Variants in TTYH2 observed in about 807,000 individuals in gnomAD.
The protein encoded by TTYH2 is protein tweety homolog 2.
A neutral mutation model predicts 68.3 loss-of-function variants in TTYH2; 49 were observed. That is an observed-to-expected ratio of 0.72 (90% confidence interval 0.57 to 0.91). The LOEUF (loss-of-function observed/expected upper bound fraction) is 0.91, where lower values mean the gene tolerates loss of function less well. Ranked by LOEUF, TTYH2 falls within the 40% of genes least tolerant of loss-of-function variation. The pLI, the probability that TTYH2 is intolerant of heterozygous loss-of-function variation, is 0.00. For synonymous variants in TTYH2, 272 were observed against 300.8 expected (o/e 0.90, Z 0.99); for missense variants, 631 against 700.4 (o/e 0.90, Z 1.12).
intron 11 of TTYH2, 135 bp downstream of exon 11, chr17:74,252,511 C>T (rs1407220899): frequency 3.5e-6 from 4 of 1,144,710 alleles, no homozygotes; most frequent in Non-Finnish European, 1.2e-6. Context: ...GCATTCAGCC[C>T]AACAGGCTGG....
intron 4 of TTYH2, among the ~76,000 whole-genome samples, chr17:74,238,397 C>CT (rs1460462006): frequency 6.6e-5 from 10 of 151,648 alleles, no homozygotes; most frequent in Non-Finnish European, 1.2e-4. Context: ...CCCAGACTCA[C>CT]TTTTTTTTTC....
intron 13 of TTYH2, among the ~76,000 whole-genome samples, chr17:74,259,549 T>C (rs1160757583): frequency 2.0e-5 from 3 of 152,162 alleles, no homozygotes; most frequent in African/African-American, 4.8e-5. Context: ...CATATTTATA[T>C]ACTAGTGGAT....
intron 3 of TTYH2, 80 bp from the exon 4 acceptor site, chr17:74,237,214 T>G (rs763657663): frequency 1.4e-6 from 2 of 1,441,344 alleles, no homozygotes; most frequent in Non-Finnish European, 1.9e-6. Flanking sequence ...CAGGCCACCT[T>G]CTGCTGCCTG....
chr17:74,240,777 C>T (rs1261680187), intron 4 of TTYH2: 1 of 152,114 alleles, frequency 6.6e-6, no homozygotes, highest in Admixed American at 6.5e-5. Flanking sequence ...CAGGCAGAGC[C>T]GAGTTCTTGG....
chr17:74,237,373 G>T lies in TTYH2; in HGVS notation c.494G>T (p.Gly165Val). ...ARLSEIFAAR[G>V]DYLQTLKFIQ... ...CTCAGTGAGATCTTTGCTGCCCGGGGCGATTACCTGCAGACCCTGAAGTTC... is the reference window on the plus strand; with the variant it reads ...CTCAGTGAGATCTTTGCTGCCCGGGTCGATTACCTGCAGACCCTGAAGTTC... Residue 165 changes from glycine to valine, a missense_variant, in exon 4 of 14, where the codon GGC (glycine) becomes GTC (valine). Gly to Val is a moderately radical substitution (Grantham distance 109, BLOSUM62 -3). Transcript: ENST00000269346. The T allele has an allele frequency of 1.2e-6, 2 of 1,614,192 alleles. No homozygotes were observed. The highest frequency in any genetic ancestry group is 1.1e-5 in the South Asian group (1 of 91,088).
chr17:74,221,388 G>A (rs1431940362), intron 1 of TTYH2, among the ~76,000 whole-genome samples: 7 of 152,138 alleles, frequency 4.6e-5, no homozygotes, highest in South Asian at 2.1e-4. Flanking sequence ...CACAAGTCTC[G>A]TCTCCCCCTT....
At chr17:74,259,606 C>T (rs2050727612) in intron 13 of TTYH2, among the ~76,000 whole-genome samples, 3 of 152,122 alleles carry the variant, frequency 2.0e-5, no homozygotes, top group Admixed American at 2.0e-4. Flanking sequence ...GTGTTTCTGG[C>T]GAGCAGCCCA....
rs1179566983 is a variant in TTYH2, at chr17:74,253,855, C to T, written c.1524+22C>T. Reference sequence around the variant, plus strand: ...TACGGTAATTGGGGCTCTGGCCCTTCCTTGTTGGGGTAATACATAAAGACA... The same window carrying T: ...TACGGTAATTGGGGCTCTGGCCCTTTCTTGTTGGGGTAATACATAAAGACA... On this transcript the variant is annotated intron_variant, in intron 13 of 13. Transcript: ENST00000269346. 3 of 1,612,938 alleles carry T rather than the reference C, an allele frequency of 1.9e-6. No homozygotes were observed. In the Admixed American group the frequency reaches 5.0e-5, roughly 27 times the overall value.
chr17:74,216,595 C>T (rs150287389), intron 1 of TTYH2, among the ~76,000 whole-genome samples: 2 of 152,294 alleles, frequency 1.3e-5, no homozygotes, highest in East Asian at 3.9e-4. Flanking sequence ...TGATCCTCAC[C>T]CCTCTCCCCC....
chr17:74,252,008 G>T (rs749958940), intron 10 of TTYH2: 4 of 569,506 alleles, frequency 7.0e-6, no homozygotes, highest in Non-Finnish European at 1.2e-5. Context: ...TTAGTGCCCA[G>T]CTCACAGTAA....
intron 4 of TTYH2, among the ~76,000 whole-genome samples, chr17:74,237,851 T>C (rs1460979745): frequency 2.0e-5 from 3 of 152,118 alleles, no homozygotes; most frequent in Admixed American, 6.6e-5. Context: ...GGCTAGTCTC[T>C]CGAGCTCCTG....
intron 4 of TTYH2, among the ~76,000 whole-genome samples, 187 bp from the exon 5 acceptor site, chr17:74,243,187 C>T (rs1311302028): frequency 6.6e-6 from 1 of 152,120 alleles, no homozygotes; most frequent in African/African-American, 2.4e-5. Flanking sequence ...CAGCTTTGTC[C>T]AGGCAGCAGT....
At position 74,261,943 on chromosome 17, in the gene TTYH2, G is replaced by A. The variant is rs1009852538; in HGVS notation, c.*1734G>A. 6.6e-6 allele frequency: 1 copy of A among 152,642 alleles called. No individual in the cohort carries two copies. The highest frequency in any genetic ancestry group is 1.5e-5 in the Non-Finnish European group (1 of 68,048). The allele number at this position is 152,642 out of a possible 1,614,324, so 9.5% of individuals were successfully genotyped here. A position where few individuals can be genotyped will look rare whatever the true frequency, so the allele number is the denominator to read the frequency against. ...TAAACAGATTCCTCGGGGAGTTCCT[G>A]AAGGAACCAGGTGGGCAAACCTTTG... On this transcript the variant is annotated 3_prime_UTR_variant, in exon 14 of 14. Coordinates refer to ENST00000269346, the MANE Select transcript of TTYH2 (RefSeq NM_032646.6).
Position 74,222,493 on chromosome 17 carries a change from G to C in TTYH2, c.138G>C (p.Leu46=). The C allele has an allele frequency of 1.2e-6, 2 of 1,609,766 alleles. No homozygotes were observed. The highest frequency in any genetic ancestry group is 1.7e-6 in the Non-Finnish European group (2 of 1,179,606). ...PGDESYQESL[L]FLGLVAAVCL... ...CCTCTGCTCTCTTCCAGTCGCTGCT[G>C]TTCCTGGGGCTGGTGGCCGCCGTCT... Residue 46 remains leucine, a synonymous_variant, in exon 2 of 14, where the codon CTG becomes CTC. Coordinates refer to ENST00000269346, the MANE Select transcript of TTYH2 (RefSeq NM_032646.6). The surrounding 1 kb of genome is among the most constrained non-coding windows in gnomAD (Gnocchi z 5.2).
intron 7 of TTYH2, 41 bp from the exon 8 acceptor site, chr17:74,249,303 G>A: frequency 1.2e-6 from 2 of 1,613,606 alleles, no homozygotes; most frequent in Non-Finnish European, 1.7e-6. Flanking sequence ...ATCTCATCTG[G>A]TCATTTGTGA....
Position 74,222,593 on chromosome 17 carries a change from C to A in TTYH2, c.238C>A (p.Gln80Lys). The A allele has an allele frequency of 6.2e-7, 1 of 1,612,220 alleles. No individual in the cohort carries two copies. Among genetic ancestry groups the A allele is most frequent in the South Asian group, 1.1e-5 (1 of 91,084 alleles). Residue 80 changes from glutamine to lysine, a missense_variant, in exon 2 of 14, where the codon CAG becomes AAG. Physicochemically the swap from Gln to Lys is moderately conservative, Grantham distance 53. Coordinates refer to ENST00000269346, the MANE Select transcript of TTYH2 (RefSeq NM_032646.6). The surrounding 1 kb of genome is among the most constrained non-coding windows in gnomAD (Gnocchi z 5.2). ...CCACTGCCGGCGGGACGATGCGGTG[C>A]AGACCAAGCAGCACCACTCCTGCTG... ...ACHCRRDDAV[Q>K]TKQHHSCCIT... is the part of the protein sequence containing the mutation.
chr17:74,243,914 T>TGGGGGGGTGGGGGGGG, intron 5 of TTYH2, 63 bp from the exon 6 acceptor site: 1 of 1,203,958 alleles, frequency 8.3e-7, no homozygotes. Context: ...GCAGGGTGGG[T>TGGGGGGGTGGGGGGGG]GGGGTGATGG....
rs558213600 is a variant in TTYH2 at position 74,222,584 on chromosome 17, G to A, written c.229G>A (p.Asp77Asn). 1.1e-5 allele frequency: 18 copies of A among 1,612,422 alleles called. No homozygotes were observed. The highest frequency in any genetic ancestry group is 3.3e-5 in the Admixed American group (2 of 60,020). ...CTGTGCATGCCACTGCCGGCGGGAC[G>A]ATGCGGTGCAGACCAAGCAGCACCA... ...LVCACHCRRD[D>N]AVQTKQHHSC... Residue 77 changes from aspartate (D) to asparagine (N), a missense_variant, in exon 2 of 14, where the codon GAT (aspartate) becomes AAT (asparagine). Coordinates refer to ENST00000269346, the MANE Select transcript of TTYH2 (RefSeq NM_032646.6). This position sits in a 1 kb window ranked among gnomAD's most constrained non-coding sequence, Gnocchi z 5.2.
At chr17:74,234,534 C>T (rs1005473385) in intron 3 of TTYH2, among the ~76,000 whole-genome samples, 3 of 152,204 alleles carry the variant, frequency 2.0e-5, no homozygotes, top group Non-Finnish European at 4.4e-5. Flanking sequence ...AGTTCAAGAA[C>T]AGCCTGGGCA....
Sources: gnomAD v4.1 joint callset for allele counts (sites outside exome capture counted in the v4.1 genomes callset) on GRCh38, gnomAD v4.1.1 for gene constraint, Gnocchi (gnomAD v3.1) non-coding constraint, MANE v1.5 for transcripts, NCBI Gene and HGNC (gene_info 2026-07-23, HGNC 2026-07-21) for gene names.